The following CDH8 variants were observed in gnomAD, a reference collection of about 807,000 sequenced individuals.
CDH8 encodes cadherin 8.
A neutral mutation model predicts 68.1 loss-of-function variants in CDH8; 17 were observed. That is an observed-to-expected ratio of 0.25 (90% CI 0.17 to 0.37). The LOEUF (loss-of-function observed/expected upper bound fraction) is 0.37. Ranked by LOEUF, CDH8 falls within the 10% of genes least tolerant of loss-of-function variation. The probability of loss-of-function intolerance (pLI) is 1.00; values close to 1 mark genes in which losing one functional copy is unlikely to be tolerated. For missense variants in CDH8, 763 were observed against 999.3 expected, an observed-to-expected ratio of 0.76 and a Z score of 3.19; for synonymous variants, 372 against 365.1, an observed-to-expected ratio of 1.02 and a Z score of -0.21.
chr16:61,853,080 T>A (rs1226403166), intron 4 of CDH8, among the ~76,000 whole-genome samples: 1 of 151,966 alleles, frequency 6.6e-6, no homozygotes, highest in Non-Finnish European at 1.5e-5. Flanking sequence ...TTAAAAAATA[T>A]AAACAAGTCA....
chr16:61,897,443 G>A (rs919214372), intron 3 of CDH8, among the ~76,000 whole-genome samples: 1 of 152,056 alleles, frequency 6.6e-6, no homozygotes, highest in Non-Finnish European at 1.5e-5. Context: ...AGTAGGGACA[G>A]GATTTCACCA....
rs917071611 is a variant in CDH8, at chr16:61,652,815, T to C, written c.*793A>G. The C allele has an allele frequency of 2.4e-5, 34 of 1,429,836 alleles. No individual in the cohort carries two copies. The highest frequency in any genetic ancestry group is 3.1e-5 in the Non-Finnish European group (34 of 1,091,324). 88.6% of individuals were successfully genotyped at this position (1,429,836 alleles called of 1,614,324 possible). Reference sequence around the variant, plus strand: ...CGCGCTAGCAATAAAACCATCTGTCTCTTATGTAGTCCACTGTGTGATACA... The same window carrying C: ...CGCGCTAGCAATAAAACCATCTGTCCCTTATGTAGTCCACTGTGTGATACA... On this transcript the variant is annotated 3_prime_UTR_variant, in exon 12 of 12. Coordinates refer to ENST00000577390, the MANE Select transcript of CDH8 (RefSeq NM_001796.5).
intron 8 of CDH8, among the ~76,000 whole-genome samples, chr16:61,757,593 C>T (rs965912180): frequency 6.6e-6 from 1 of 152,018 alleles, no homozygotes; most frequent in Non-Finnish European, 1.5e-5. Context: ...AGTATATGAA[C>T]GAAGTGGCAC....
chr16:61,899,204 C>A (rs1317428647), intron 3 of CDH8, among the ~76,000 whole-genome samples: 1 of 152,122 alleles, frequency 6.6e-6, no homozygotes, highest in Non-Finnish European at 1.5e-5. Flanking sequence ...GTTCAACTCC[C>A]ACTTATGAGT....
chr16:61,814,194 A>G (rs1264043311), intron 7 of CDH8, among the ~76,000 whole-genome samples: 1 of 152,194 alleles, frequency 6.6e-6, no homozygotes, highest in African/African-American at 2.4e-5. Flanking sequence ...TCCAGAGACT[A>G]GTTCTCCGAC....
intron 4 of CDH8, among the ~76,000 whole-genome samples, chr16:61,850,814 CAT>C (rs1962923463): frequency 6.6e-6 from 1 of 152,006 alleles, no homozygotes; most frequent in Non-Finnish European, 1.5e-5. Context: ...GCTCTTCATA[CAT>C]GTTTGCTAAG....
chr16:61,981,156 T>C (rs777030508), intron 2 of CDH8, among the ~76,000 whole-genome samples: 1 of 152,338 alleles, frequency 6.6e-6, no homozygotes, highest in Middle Eastern at 3.4e-3. Flanking sequence ...ATTTCATTCC[T>C]CTTGGCAACA....
intron 7 of CDH8, among the ~76,000 whole-genome samples, chr16:61,815,000 C>T (rs544554051): frequency 2.0e-5 from 3 of 152,222 alleles, no homozygotes; most frequent in South Asian, 4.1e-4. Flanking sequence ...GTGGGCTCCC[C>T]CTTCTGAATG....
At chr16:61,859,370 C>T (rs2143016752) in intron 3 of CDH8, among the ~76,000 whole-genome samples, 1 of 152,210 alleles carries the variant, frequency 6.6e-6, no homozygotes, top group South Asian at 2.1e-4. Context: ...AGAGGGATGA[C>T]AGGACAGAAA....
chr16:61,740,664 A>G (rs1959847148), intron 8 of CDH8, among the ~76,000 whole-genome samples: 1 of 152,182 alleles, frequency 6.6e-6, no homozygotes, highest in Non-Finnish European at 1.5e-5. Flanking sequence ...ACATATTTGC[A>G]TGTAGATGCT....
chr16:61,845,981 C>A (rs964975377), intron 4 of CDH8, among the ~76,000 whole-genome samples: 1 of 152,050 alleles, frequency 6.6e-6, no homozygotes, highest in South Asian at 2.1e-4. Context: ...GCCTACAGAT[C>A]GGTACTTAAA....
At chr16:62,011,348 C>T (rs572232000) in intron 2 of CDH8, among the ~76,000 whole-genome samples, 10 of 152,164 alleles carry the variant, frequency 6.6e-5, no homozygotes, top group South Asian at 4.1e-4. Context: ...CGGGTGCACA[C>T]GCAGGCAGTT....
At chr16:62,035,345 G>T (rs1329348866) in intron 1 of CDH8, among the ~76,000 whole-genome samples, 1 of 152,176 alleles carries the variant, frequency 6.6e-6, no homozygotes, top group Non-Finnish European at 1.5e-5. Context: ...GCTTAAGGGG[G>T]CCTCCGTGCA....
chr16:61,722,867 C>G (rs1244842485), intron 9 of CDH8, among the ~76,000 whole-genome samples: 2 of 150,354 alleles, frequency 1.3e-5, no homozygotes, highest in Non-Finnish European at 3.0e-5. Flanking sequence ...AGAAGAGAAA[C>G]CAAAATATTT....
At chr16:61,697,021 T>C (rs1424723102) in intron 10 of CDH8, among the ~76,000 whole-genome samples, 2 of 152,122 alleles carry the variant, frequency 1.3e-5, no homozygotes, top group South Asian at 2.1e-4. Context: ...GGATTATTCA[T>C]ATATAAAAGC....
intron 10 of CDH8, among the ~76,000 whole-genome samples, chr16:61,706,817 T>A (rs1324726360): frequency 6.6e-6 from 1 of 152,156 alleles, no homozygotes; most frequent in East Asian, 1.9e-4. Context: ...TTTCATAAGC[T>A]ATGTATTTGC....
At chr16:61,983,952 CTG>C (rs1161890649) in intron 2 of CDH8, among the ~76,000 whole-genome samples, 1 of 150,622 alleles carries the variant, frequency 6.6e-6, no homozygotes, top group Non-Finnish European at 1.5e-5. Context: ...GAATCTCACT[CTG>C]TCACCTGGGC....
At chr16:61,670,759 T>C (rs1022116729) in intron 10 of CDH8, among the ~76,000 whole-genome samples, 2 of 151,950 alleles carry the variant, frequency 1.3e-5, no homozygotes, top group Non-Finnish European at 2.9e-5. Context: ...AACCCTATAT[T>C]TACTGTTTTT....
chr16:61,961,557 G>A (rs1450738391), intron 2 of CDH8, among the ~76,000 whole-genome samples: 1 of 151,984 alleles, frequency 6.6e-6, no homozygotes, highest in South Asian at 2.1e-4. Context: ...AGCTTCATAG[G>A]CTTTCATTCC....
Sources: allele counts gnomAD v4.1 joint callset (sites outside exome capture counted in the v4.1 genomes callset), GRCh38; gene constraint gnomAD v4.1.1; transcripts MANE v1.5; gene names NCBI Gene and HGNC (gene_info 2026-07-23, HGNC 2026-07-21).